The following CNGB3 variants were observed in gnomAD, a reference collection of about 807,000 sequenced individuals.
CNGB3 encodes the protein cyclic nucleotide-gated channel beta-3.
CNGB3 carries 86 observed loss-of-function variants against 92.8 expected under a neutral mutation model. That is an observed-to-expected ratio of 0.93 (90% CI 0.78 to 1.11). The LOEUF is 1.11. Among genes scored for constraint, CNGB3 ranks in the 50% least tolerant of loss-of-function variants. CNGB3 has a pLI of 0.00. For missense variants in CNGB3, 1,026 were observed against 956.8 expected, an observed-to-expected ratio of 1.07 and a Z score of -0.95; for synonymous variants, 333 against 332.7, an observed-to-expected ratio of 1.00 and a Z score of -0.01.
intron 2 of CNGB3, among the ~76,000 whole-genome samples, chr8:86,733,937 A>T (rs980728339): frequency 6.6e-6 from 1 of 152,144 alleles, no homozygotes; most frequent in African/African-American, 2.4e-5. Flanking sequence ...GCATGACCAT[A>T]GCTCACTGTA....
intron 15 of CNGB3, among the ~76,000 whole-genome samples, chr8:86,596,147 T>A (rs1366364687): frequency 7.2e-5 from 11 of 152,206 alleles, no homozygotes; most frequent in African/African-American, 2.7e-4. Context: ...TTAGCAAATA[T>A]TTATGGAGGA....
chr8:86,604,050 A>T (rs767528302), intron 15 of CNGB3, 43 bp downstream of exon 15: 13 of 1,303,970 alleles, frequency 1.0e-5, no homozygotes, highest in Non-Finnish European at 1.4e-5. Context: ...TTCTTTTATG[A>T]CAAATGATGG....
intron 12 of CNGB3, among the ~76,000 whole-genome samples, chr8:86,626,526 ATCT>A (rs1250916941): frequency 6.6e-6 from 1 of 152,166 alleles, no homozygotes; most frequent in African/African-American, 2.4e-5. Context: ...CACACCCATT[ATCT>A]TATTTGACCC....
intron 3 of CNGB3, among the ~76,000 whole-genome samples, chr8:86,684,022 G>A (rs1824133911): frequency 6.6e-6 from 1 of 152,108 alleles, no homozygotes. Context: ...CTTTGTGAAA[G>A]ATATTGTCAT....
At chr8:86,589,580 C>A (rs944928614) in intron 15 of CNGB3, among the ~76,000 whole-genome samples, 3 of 152,014 alleles carry the variant, frequency 2.0e-5, no homozygotes, top group Non-Finnish European at 4.4e-5. Flanking sequence ...TTATTTCTGC[C>A]TTCATTTCGT....
chr8:86,674,867 CCTCAGTCT>C (rs146285048), intron 3 of CNGB3, among the ~76,000 whole-genome samples: 3,751 of 152,126 alleles, frequency 0.025, 148 homozygotes, highest in African/African-American at 0.084. Context: ...CATCCTCCCA[CCTCAGTCT>C]CTTGGGTTGC....
intron 3 of CNGB3, among the ~76,000 whole-genome samples, chr8:86,688,420 T>G (rs1372381663): frequency 6.6e-6 from 1 of 152,110 alleles, no homozygotes; most frequent in Admixed American, 6.6e-5. Flanking sequence ...TGCAGCATGA[T>G]ATTGAGACCC....
intron 3 of CNGB3, among the ~76,000 whole-genome samples, chr8:86,721,459 C>T (rs1006469482): frequency 6.6e-6 from 1 of 151,886 alleles, no homozygotes; most frequent in South Asian, 2.1e-4. Context: ...ACATTGGGTA[C>T]AGTGTTCTCT....
At chr8:86,582,007 AAAAC>A (rs1821795392) in intron 15 of CNGB3, among the ~76,000 whole-genome samples, 1 of 152,192 alleles carries the variant, frequency 6.6e-6, no homozygotes, top group African/African-American at 2.4e-5. Flanking sequence ...TGAACCACAA[AAAAC>A]AAAAAAATTA....
At position 86,590,627 on chromosome 8, in the gene CNGB3, T is replaced by G. The variant is rs201999250; in HGVS notation, c.1782-11375A>C. ...TTAGTTTGGCTGGATATGAAATTCT[T>G]GGTTGAAAATTCTTTTCTTTAAGAA... On this transcript the variant is annotated intron_variant, in intron 15 of 17. Coordinates refer to ENST00000320005, the MANE Select transcript of CNGB3 (RefSeq NM_019098.5). 9.6e-4 allele frequency among the ~76,000 whole-genome samples: 145 copies of G among 151,800 alleles called. 1 individual carries two copies. Among genetic ancestry groups the G allele is most frequent in the Non-Finnish European group, 1.5e-3 (100 of 67,924 alleles).
At chr8:86,591,941 C>T (rs867113266) in intron 15 of CNGB3, among the ~76,000 whole-genome samples, 4 of 152,210 alleles carry the variant, frequency 2.6e-5, no homozygotes, top group South Asian at 2.1e-4. Context: ...CCCCCAGCCT[C>T]GCTGCCACCT....
At chr8:86,696,737 A>G (rs1563758519) in intron 3 of CNGB3, among the ~76,000 whole-genome samples, 1 of 151,018 alleles carries the variant, frequency 6.6e-6, no homozygotes, top group Non-Finnish European at 1.5e-5. Context: ...ACACATAGCT[A>G]CTCCTGCTTC....
At chr8:86,635,991 A>G (rs1242201060) in intron 10 of CNGB3, among the ~76,000 whole-genome samples, 3 of 151,020 alleles carry the variant, frequency 2.0e-5, no homozygotes, top group Non-Finnish European at 4.4e-5. Flanking sequence ...AATTTCCCCC[A>G]ATATATTTTT....
intron 15 of CNGB3, among the ~76,000 whole-genome samples, chr8:86,600,173 C>T (rs972733773): frequency 6.6e-6 from 1 of 152,200 alleles, no homozygotes; most frequent in Non-Finnish European, 1.5e-5. Context: ...CAAATAACCT[C>T]TAGTAATTGC....
intron 3 of CNGB3, among the ~76,000 whole-genome samples, chr8:86,694,661 G>T (rs1468249321): frequency 3.9e-5 from 6 of 152,072 alleles, no homozygotes; most frequent in African/African-American, 9.6e-5. Flanking sequence ...CATCCCAGAT[G>T]GGGCGGCGGG....
chr8:86,659,695 T>C, intron 6 of CNGB3: 1 of 416,844 alleles, frequency 2.4e-6, no homozygotes, highest in Non-Finnish European at 4.8e-6. Flanking sequence ...CTGAGTGTAA[T>C]ACAGAGCTGT....
intron 1 of CNGB3, among the ~76,000 whole-genome samples, chr8:86,741,903 G>T (rs947699865): frequency 1.3e-5 from 2 of 152,000 alleles, no homozygotes; most frequent in African/African-American, 4.8e-5. Context: ...TATCTTAAAG[G>T]GTTGACTCAA....
In CNGB3 at chr8:86,644,667, A is replaced by C; in HGVS notation, c.1010T>G (p.Phe337Cys). ...CATTATAGACTCTAGGTGATGATTA[A>C]ATTCAAAAAATGAAGTGTACTATAT... ...RMLKYTSFFE[F>C]NHHLESIMDK... The change falls in exon 9 of 18, where the codon TTT becomes TGT. Residue 337 changes from phenylalanine to cysteine, a missense_variant. Coordinates refer to ENST00000320005, the MANE Select transcript of CNGB3 (RefSeq NM_019098.5). The C allele has an allele frequency of 2.5e-6, 4 of 1,590,394 alleles. No individual in the cohort carries two copies. Among genetic ancestry groups the C allele is most frequent in the Non-Finnish European group, 3.4e-6 (4 of 1,165,340 alleles).
chr8:86,714,092 A>C (rs1824801455), intron 3 of CNGB3, among the ~76,000 whole-genome samples: 1 of 152,156 alleles, frequency 6.6e-6, no homozygotes, highest in Non-Finnish European at 1.5e-5. Context: ...AGTTAGGACA[A>C]ATTTATAATG....
Sources: allele counts gnomAD v4.1 joint callset (sites outside exome capture counted in the v4.1 genomes callset), GRCh38; gene constraint gnomAD v4.1.1; transcripts MANE v1.5; gene names NCBI Gene and HGNC (gene_info 2026-07-23, HGNC 2026-07-21).